The following PCED1B variants were observed in gnomAD, a reference collection of about 807,000 sequenced individuals.
PCED1B encodes PC-esterase domain containing 1B, also known as PC-esterase domain-containing protein 1B.
For synonymous variants in PCED1B, 251 were observed against 246.1 expected, an observed-to-expected ratio of 1.02 and a Z score of -0.19; for missense variants, 573 against 573.9, an observed-to-expected ratio of 1.00 and a Z score of 0.02.
chr12:47,162,551 T>C (rs978045287), intron 2 of PCED1B, among the ~76,000 whole-genome samples: 2 of 152,178 alleles, frequency 1.3e-5, no homozygotes, highest in Non-Finnish European at 2.9e-5. Context: ...ACAAGAAGCA[T>C]AGTGCCAATA....
intron 2 of PCED1B, among the ~76,000 whole-genome samples, chr12:47,198,063 A>G (rs990459249): frequency 2.0e-5 from 3 of 152,202 alleles, no homozygotes; most frequent in Non-Finnish European, 4.4e-5. Context: ...CATTAATCCT[A>G]TATCAAAACC....
chr12:47,230,153 C>T (rs1482643740), intron 3 of PCED1B, among the ~76,000 whole-genome samples: 4 of 141,124 alleles, frequency 2.8e-5, no homozygotes, highest in African/African-American at 5.3e-5. Flanking sequence ...GGCAGGATCT[C>T]GGCTCACTAC....
At chr12:47,207,229 C>G (rs775978482) in intron 2 of PCED1B, among the ~76,000 whole-genome samples, 1 of 152,212 alleles carries the variant, frequency 6.6e-6, no homozygotes, top group African/African-American at 2.4e-5. Flanking sequence ...GACTAAATTA[C>G]TTTAAACTTT....
In PCED1B at chr12:47,104,211, C is replaced by G. The variant is rs1217753364; in HGVS notation, c.-526+16C>G. The G allele has an allele frequency of 1.3e-5, 2 of 152,168 alleles. No homozygotes were observed. Among genetic ancestry groups the G allele is most frequent in the African/African-American group, 4.8e-5 (2 of 41,438 alleles). The allele number at this position is 152,168 out of a possible 1,614,324, so 9.4% of individuals were successfully genotyped here. ...CTACAAATATGTGAGTTTTTCTCCC[C>G]TGGCTTCATGGTAGAAAAGGTTTGG... On this transcript the variant is annotated intron_variant, in intron 2 of 3. Transcript: ENST00000546455.
intron 2 of PCED1B, among the ~76,000 whole-genome samples, chr12:47,130,156 G>T (rs1940063452): frequency 6.6e-6 from 1 of 152,062 alleles, no homozygotes; most frequent in Non-Finnish European, 1.5e-5. Context: ...ACTTTTGTTT[G>T]GCTAATTTTT....
chr12:47,161,926 T>C (rs1389426836), intron 2 of PCED1B, among the ~76,000 whole-genome samples: 1 of 152,200 alleles, frequency 6.6e-6, no homozygotes, highest in South Asian at 2.1e-4. Context: ...TGGAATGCTA[T>C]GCAGCCATAA....
chr12:47,236,163 T>G lies in PCED1B; in HGVS notation c.1100T>G (p.Phe367Cys). The G allele has an allele frequency of 1.9e-6, 3 of 1,614,206 alleles. No individual in the cohort carries two copies. Among genetic ancestry groups the G allele is most frequent in the Non-Finnish European group, 2.5e-6 (3 of 1,180,038 alleles). ...SDVPSSAHAG[F>C]FVEDNFMVGP... ...GTCCCCTCATCAGCCCATGCAGGTTTCTTCGTCGAAGACAATTTTATGGTT... is the reference window on the plus strand; with the variant it reads ...GTCCCCTCATCAGCCCATGCAGGTTGCTTCGTCGAAGACAATTTTATGGTT... Residue 367 changes from phenylalanine (F) to cysteine (C), a missense_variant, in exon 4 of 4, where the codon TTC becomes TGC. Transcript: ENST00000546455.
chr12:47,219,455 A>T (rs1333079362), intron 3 of PCED1B, among the ~76,000 whole-genome samples: 2 of 152,204 alleles, frequency 1.3e-5, no homozygotes, highest in African/African-American at 2.4e-5. Context: ...GTCACAATCC[A>T]ACCTGTTCAT....
chr12:47,163,823 G>T lies in PCED1B; in HGVS notation c.-525-52399G>T, dbSNP rs557699240. Among the ~76,000 whole-genome samples, 137 of 152,270 alleles carry T rather than the reference G, an allele frequency of 9.0e-4. 3 individuals carry two copies. In the South Asian group the frequency reaches 0.027, roughly 30 times the overall value. ...AACATAGCACCCAACTTCTGGTGAG[G>T]CTACATTCTGGCTAAAAACATGGTG... is the stretch of plus-strand genomic sequence containing the variant. On this transcript the variant is annotated intron_variant, in intron 2 of 3. Coordinates refer to ENST00000546455, the MANE Select transcript of PCED1B (RefSeq NM_138371.3).
intron 2 of PCED1B, among the ~76,000 whole-genome samples, chr12:47,174,682 A>G (rs1216221397): frequency 6.6e-6 from 1 of 152,200 alleles, no homozygotes; most frequent in African/African-American, 2.4e-5. Context: ...GTAAAAGGAT[A>G]CAAAAGTAAT....
rs144360237 is a variant in PCED1B at position 47,162,724 on chromosome 12, G to A, written c.-525-53498G>A. ...TTATGGTAACTCATAGAACAAGAAC[G>A]CACTCATTACTGCAAGGATGGCACC... On this transcript the variant is annotated intron_variant, in intron 2 of 3. Transcript: ENST00000546455. Among the ~76,000 whole-genome samples, 541 of 152,232 alleles carry A rather than the reference G, an allele frequency of 3.6e-3. 2 individuals carry two copies. Among genetic ancestry groups the A allele is most frequent in the African/African-American group, 0.012 (514 of 41,526 alleles).
intron 2 of PCED1B, among the ~76,000 whole-genome samples, chr12:47,184,686 A>G (rs1037285487): frequency 4.6e-5 from 7 of 151,892 alleles, no homozygotes; most frequent in Non-Finnish European, 1.0e-4. Context: ...AAAAATTACA[A>G]TCTACAAATA....
chr12:47,205,196 C>T (rs564886195), intron 2 of PCED1B, among the ~76,000 whole-genome samples: 2 of 152,208 alleles, frequency 1.3e-5, no homozygotes, highest in South Asian at 4.1e-4. Flanking sequence ...CATAAAAAGT[C>T]TAAGTTGTCC....
In PCED1B at chr12:47,193,050, C is replaced by G. The variant is rs899558616; in HGVS notation, c.-525-23172C>G. Among the ~76,000 whole-genome samples the G allele has an allele frequency of 4.6e-5, 7 of 152,146 alleles. No homozygotes were observed. The South Asian group carries it at 1.2e-3, about 27-fold the overall frequency. Reference sequence around the variant, plus strand: ...GCACACAGATATTTTAGCGCTTCTCCCATTGTATTTTGCTAATTGTTTTTG... The same window carrying G: ...GCACACAGATATTTTAGCGCTTCTCGCATTGTATTTTGCTAATTGTTTTTG... On this transcript the variant is annotated intron_variant, in intron 2 of 3. Transcript: ENST00000546455.
intron 2 of PCED1B, among the ~76,000 whole-genome samples, chr12:47,124,510 GTT>G (rs35428796): frequency 0.12 from 17,048 of 143,830 alleles, 1,731 homozygotes; most frequent in African/African-American, 0.28. Context: ...TATACATGAG[GTT>G]TTTTTTTTTT....
At chr12:47,093,730 G>T (rs1455974381) in intron 1 of PCED1B, among the ~76,000 whole-genome samples, 1 of 151,748 alleles carries the variant, frequency 6.6e-6, no homozygotes, top group Non-Finnish European at 1.5e-5. Flanking sequence ...GAGCACTTGG[G>T]TTTTTCCTGT....
chr12:47,166,714 A>C (rs1941555592), intron 2 of PCED1B, among the ~76,000 whole-genome samples: 1 of 152,192 alleles, frequency 6.6e-6, no homozygotes, highest in African/African-American at 2.4e-5. Flanking sequence ...AGGTGTGGTA[A>C]AAATAATAAT....
chr12:47,229,556 T>C (rs1047174129), intron 3 of PCED1B, among the ~76,000 whole-genome samples: 3 of 152,152 alleles, frequency 2.0e-5, no homozygotes, highest in Non-Finnish European at 4.4e-5. Context: ...AACACAAAAT[T>C]CATTTATGTT....
chr12:47,088,982 T>C (rs978072413), intron 1 of PCED1B, among the ~76,000 whole-genome samples: 2 of 152,196 alleles, frequency 1.3e-5, no homozygotes, highest in Non-Finnish European at 2.9e-5. Context: ...ATTGCCACAG[T>C]GAACATTAAT....
Sources: gnomAD v4.1 joint callset for allele counts (sites outside exome capture counted in the v4.1 genomes callset) on GRCh38, gnomAD v4.1.1 for gene constraint, MANE v1.5 for transcripts, NCBI Gene and HGNC (gene_info 2026-07-23, HGNC 2026-07-21) for gene names.